PCDHA6: variants seen among roughly 807,000 people sequenced by gnomAD.
PCDHA6 encodes the protein protocadherin alpha-6.
PCDHA6 carries 55 observed loss-of-function variants against 60.3 expected under a neutral mutation model. The ratio of observed to expected loss-of-function variants is 0.91; its 90% CI spans 0.73 to 1.14. The LOEUF is 1.14. Among genes scored for constraint, PCDHA6 ranks in the 50% most tolerant of loss-of-function variants. PCDHA6 has a pLI of 0.00. For missense variants in PCDHA6, 1,327 were observed against 1,256.5 expected (o/e 1.06, Z -0.85); for synonymous variants, 652 against 557.9 (o/e 1.17, Z -2.38).
chr5:140,924,057 T>C (rs1337031156), intron 1 of PCDHA6, among the ~76,000 whole-genome samples: 2 of 152,258 alleles, frequency 1.3e-5, no homozygotes, highest in Non-Finnish European at 2.9e-5. Context: ...GGTACATCTT[T>C]ACAGTTGTAT....
At chr5:140,883,619 A>T (rs1554178937) in intron 1 of PCDHA6, 2 of 1,613,984 alleles carry the variant, frequency 1.2e-6, no homozygotes, top group Admixed American at 3.3e-5. Context: ...CGTGAACGAC[A>T]ACGCGCCGGC....
chr5:140,953,881 A>G (rs1481970999), intron 1 of PCDHA6, among the ~76,000 whole-genome samples: 2 of 152,130 alleles, frequency 1.3e-5, no homozygotes, highest in Non-Finnish European at 2.9e-5. Flanking sequence ...AGATCAACCC[A>G]TCACCTAGGT....
intron 1 of PCDHA6, chr5:140,868,024 G>A (rs550037758): frequency 2.0e-5 from 3 of 152,200 alleles, no homozygotes; most frequent in South Asian, 4.1e-4. Context: ...GGAAACCAAT[G>A]TTGGTGACTT....
At chr5:140,844,546 A>G (rs1268882110) in intron 1 of PCDHA6, among the ~76,000 whole-genome samples, 2 of 149,518 alleles carry the variant, frequency 1.3e-5, no homozygotes, top group Non-Finnish European at 3.0e-5. Context: ...CCCTTTGTTC[A>G]TGAGTTGGAA....
At chr5:140,891,196 A>C (rs1043715116) in intron 1 of PCDHA6, among the ~76,000 whole-genome samples, 5 of 151,974 alleles carry the variant, frequency 3.3e-5, no homozygotes, top group Non-Finnish European at 7.4e-5. Context: ...GATATTTTGC[A>C]GTTTTACCAT....
At chr5:140,948,106 T>A (rs1383733772) in intron 1 of PCDHA6, among the ~76,000 whole-genome samples, 1 of 151,652 alleles carries the variant, frequency 6.6e-6, no homozygotes, top group Non-Finnish European at 1.5e-5. Context: ...TGATTTTTCT[T>A]CGTTTTACTA....
chr5:140,915,876 G>A (rs1373834228), intron 1 of PCDHA6, among the ~76,000 whole-genome samples: 1 of 152,136 alleles, frequency 6.6e-6, no homozygotes, highest in East Asian at 1.9e-4. Context: ...CTTCCCTTTA[G>A]GGTAGCAAGT....
chr5:140,926,767 C>A (rs1323702990), intron 1 of PCDHA6: 1 of 1,359,024 alleles, frequency 7.4e-7, no homozygotes, highest in East Asian at 2.7e-5. Context: ...AGTATCCAGC[C>A]CGCAGCAGTG....
chr5:140,901,557 A>G (rs782333756), intron 1 of PCDHA6, among the ~76,000 whole-genome samples: 4 of 152,034 alleles, frequency 2.6e-5, no homozygotes, highest in Non-Finnish European at 5.9e-5. Context: ...CCATTCATCT[A>G]TGTGTCTGTT....
At chr5:140,925,969 A>C (rs2082842050) in intron 1 of PCDHA6, among the ~76,000 whole-genome samples, 1 of 152,172 alleles carries the variant, frequency 6.6e-6, no homozygotes, top group African/African-American at 2.4e-5. Context: ...TCACGCAAAA[A>C]AAAAGCCTTG....
At chr5:140,869,732 T>C (rs782783003) in intron 1 of PCDHA6, 2 of 1,613,412 alleles carry the variant, frequency 1.2e-6, no homozygotes, top group Non-Finnish European at 1.7e-6. Flanking sequence ...GAACTTAATT[T>C]GCTGCTAACA....
chr5:140,985,289 T>C (rs2097145554), intron 3 of PCDHA6, among the ~76,000 whole-genome samples: 2 of 152,172 alleles, frequency 1.3e-5, no homozygotes, highest in African/African-American at 4.8e-5. Flanking sequence ...ATCTATGATA[T>C]AGTGTTGGCT....
At chr5:140,976,697 T>C (rs2096727777) in intron 1 of PCDHA6, among the ~76,000 whole-genome samples, 1 of 152,224 alleles carries the variant, frequency 6.6e-6, no homozygotes, top group Non-Finnish European at 1.5e-5. Context: ...AGTACAATAA[T>C]GTTGACTTTG....
Position 140,852,971 on chromosome 5 carries a change from C to T in PCDHA6, c.2394+22486C>T, listed in dbSNP as rs563659563. Reference sequence around the variant, plus strand: ...TTGGCTCACTCCAAGCTCCCCCTCCCGTGTTCACGCCATTCTCCTGCCTCA... The same window carrying T: ...TTGGCTCACTCCAAGCTCCCCCTCCTGTGTTCACGCCATTCTCCTGCCTCA... On this transcript the variant is annotated intron_variant, in intron 1 of 3. Coordinates refer to ENST00000529310, the MANE Select transcript of PCDHA6 (RefSeq NM_018909.4). 23 of 376,480 alleles carry T rather than the reference C, an allele frequency of 6.1e-5. 1 individual carries two copies. The highest frequency in any genetic ancestry group is 5.5e-4 in the South Asian group (5 of 9,156). 23.3% of individuals were successfully genotyped at this position (376,480 alleles called of 1,614,324 possible).
Position 140,829,888 on chromosome 5 carries a change from C to G in PCDHA6, c.1797C>G (p.Ala599=), listed in dbSNP as rs150204488. 7.0e-4 allele frequency: 1,137 copies of G among 1,613,910 alleles called. 4 individuals carry two copies. In the African/African-American group the frequency reaches 7.9e-3, roughly 11 times the overall value. The change falls in exon 1 of 4, where the codon GCC becomes GCG. Residue 599 remains alanine, a synonymous_variant. Transcript: ENST00000529310. ...QVVAKVRAVD[A]DSGYNAWLSY... ...TGGCGAAGGTGCGCGCAGTTGACGCCGACTCAGGCTACAACGCGTGGCTTT... is the reference window on the plus strand; with the variant it reads ...TGGCGAAGGTGCGCGCAGTTGACGCGGACTCAGGCTACAACGCGTGGCTTT...
rs1247544483 is a variant in PCDHA6, at chr5:140,836,573, C to T, written c.2394+6088C>T. 4.3e-6 allele frequency: 7 copies of T among 1,613,572 alleles called. 1 individual carries two copies. Among genetic ancestry groups the T allele is most frequent in the Non-Finnish European group, 5.9e-6 (7 of 1,179,840 alleles). ...GGTGCTCAGCGCCGTCCTCTGAGGGCGCATGTAGTTTGGTAAAGCCCACTC... is the reference window on the plus strand; with the variant it reads ...GGTGCTCAGCGCCGTCCTCTGAGGGTGCATGTAGTTTGGTAAAGCCCACTC... On this transcript the variant is annotated intron_variant, in intron 1 of 3. Coordinates refer to ENST00000529310, the MANE Select transcript of PCDHA6 (RefSeq NM_018909.4).
At chr5:140,869,217 G>T in intron 1 of PCDHA6, 4 of 1,613,842 alleles carry the variant, frequency 2.5e-6, no homozygotes, top group South Asian at 2.2e-5. Flanking sequence ...TCTCGGAGGA[G>T]GCCAAACACG....
intron 3 of PCDHA6, among the ~76,000 whole-genome samples, chr5:140,995,361 G>C (rs567350687): frequency 1.1e-3 from 168 of 152,090 alleles, no homozygotes; most frequent in African/African-American, 3.4e-3. Flanking sequence ...TCGGACAGAG[G>C]GATGATTCAC....
rs1554132400 is a variant in PCDHA6, at chr5:140,829,928, C to T, written c.1837C>T (p.Pro613Ser). 6.2e-7 allele frequency: 1 copy of T among 1,613,972 alleles called. No individual in the cohort carries two copies. The highest frequency in any genetic ancestry group is 2.2e-5 in the East Asian group (1 of 44,878). Residue 613 changes from proline to serine, a missense_variant, in exon 1 of 4, where the codon CCC becomes TCC. Transcript: ENST00000529310. ...CGCGTGGCTTTCGTATGAGCTGCAG[C>T]CCCCGGCAAGCAGCGCTCGCTTCCC... Reference protein sequence around the residue: ...YNAWLSYELQPPASSARFPFR... With the variant: ...YNAWLSYELQSPASSARFPFR...
Sources: allele counts gnomAD v4.1 joint callset (sites outside exome capture counted in the v4.1 genomes callset), GRCh38; gene constraint gnomAD v4.1.1; transcripts MANE v1.5; gene names NCBI Gene and HGNC (gene_info 2026-07-23, HGNC 2026-07-21).